The following TNFRSF11A variants were observed in gnomAD, a reference collection of about 807,000 sequenced individuals.
TNFRSF11A encodes TNF receptor superfamily member 11a, also known as tumor necrosis factor receptor superfamily member 11A.
A neutral mutation model predicts 55.7 loss-of-function variants in TNFRSF11A; 32 were observed. That is an observed-to-expected ratio of 0.57 (90% CI 0.43 to 0.77). TNFRSF11A has a LOEUF of 0.77. Ranked by LOEUF, TNFRSF11A falls within the 30% of genes least tolerant of loss-of-function variation. The probability of loss-of-function intolerance (pLI) is 0.00; values close to 1 mark genes in which losing one functional copy is unlikely to be tolerated. For missense variants in TNFRSF11A, 753 were observed against 809.8 expected (o/e 0.93, Z 0.85); for synonymous variants, 311 against 331.0 (o/e 0.94, Z 0.65).
chr18:62,338,442 AAAC>A (rs2046265102), intron 1 of TNFRSF11A, among the ~76,000 whole-genome samples: 1 of 152,256 alleles, frequency 6.6e-6, no homozygotes, highest in Non-Finnish European at 1.5e-5. Context: ...ATGAATGGAT[AAAC>A]AAGATATGGT....
intron 1 of TNFRSF11A, among the ~76,000 whole-genome samples, chr18:62,342,401 CAAA>C (rs371734407): frequency 0.066 from 4,130 of 62,168 alleles, 288 homozygotes; most frequent in South Asian, 0.35. Flanking sequence ...GATTCTGTCT[CAAA>C]AAAAAAAAAA....
At chr18:62,382,255 T>C (rs1169996423) in intron 9 of TNFRSF11A, among the ~76,000 whole-genome samples, 1 of 151,808 alleles carries the variant, frequency 6.6e-6, no homozygotes, top group Non-Finnish European at 1.5e-5. Flanking sequence ...GGATTGCAGG[T>C]GCCCACCACT....
intron 1 of TNFRSF11A, among the ~76,000 whole-genome samples, chr18:62,343,662 A>G (rs2046344363): frequency 6.6e-6 from 1 of 152,234 alleles, no homozygotes; most frequent in African/African-American, 2.4e-5. Flanking sequence ...AGAAGAGTCC[A>G]TCAGCCGTTA....
At chr18:62,333,920 G>A (rs34170507) in intron 1 of TNFRSF11A, among the ~76,000 whole-genome samples, 59,665 of 151,286 alleles carry the variant, frequency 0.39, 12,398 homozygotes, top group African/African-American at 0.53. Context: ...GCTGGAATGC[G>A]GTGGTGCCAT....
At chr18:62,366,602 C>T in intron 7 of TNFRSF11A, 106 bp from the exon 8 acceptor site, 2 of 1,186,692 alleles carry the variant, frequency 1.7e-6, no homozygotes, top group South Asian at 1.2e-5. Context: ...CTATATTTGT[C>T]CTATAACATG....
chr18:62,366,871 C>T (rs1055571541), intron 8 of TNFRSF11A, 111 bp downstream of exon 8: 77 of 1,117,220 alleles, frequency 6.9e-5, no homozygotes, highest in Admixed American at 2.3e-4. Flanking sequence ...TTTTTTGAGA[C>T]GGAGTCTCGC....
intron 1 of TNFRSF11A, among the ~76,000 whole-genome samples, chr18:62,331,520 C>A (rs2046153720): frequency 6.6e-6 from 1 of 152,180 alleles, no homozygotes; most frequent in Non-Finnish European, 1.5e-5. Flanking sequence ...GTGCAGGGAA[C>A]TTGCAGGCTC....
intron 9 of TNFRSF11A, among the ~76,000 whole-genome samples, chr18:62,371,947 T>A (rs1910584097): frequency 6.6e-6 from 1 of 152,096 alleles, no homozygotes; most frequent in Non-Finnish European, 1.5e-5. Context: ...TGGATTTTTA[T>A]ATGAGAGGAT....
In TNFRSF11A at chr18:62,354,353, C is replaced by T. The variant is rs764649267; in HGVS notation, c.284-38C>T. On this transcript the variant is annotated intron_variant, in intron 3 of 9. Coordinates refer to ENST00000586569, the MANE Select transcript of TNFRSF11A (RefSeq NM_003839.4). ...TGGGCGGTGTGTTTGGGCTGCCTGCCCCTCCCTGGCCACTGACCTGTCTCT... is the reference window on the plus strand; with the variant it reads ...TGGGCGGTGTGTTTGGGCTGCCTGCTCCTCCCTGGCCACTGACCTGTCTCT... 7.9e-6 allele frequency: 12 copies of T among 1,528,204 alleles called. No individual in the cohort carries two copies. In the South Asian group the frequency reaches 1.4e-4, roughly 18 times the overall value. 94.7% of individuals were successfully genotyped at this position (1,528,204 alleles called of 1,614,324 possible). A position where few individuals can be genotyped will look rare whatever the true frequency, so the allele number is the denominator to read the frequency against.
At position 62,386,237 on chromosome 18, in the gene TNFRSF11A, G is replaced by A. The variant is rs1273954601; in HGVS notation, c.*1203G>A. 2 of 152,140 alleles carry A rather than the reference G, an allele frequency of 1.3e-5. No individual in the cohort carries two copies. Among genetic ancestry groups the A allele is most frequent in the East Asian group, 1.9e-4 (1 of 5,196 alleles). 9.4% of individuals were successfully genotyped at this position (152,140 alleles called of 1,614,324 possible). ...TGGGGCTCCTGGAAAGAAAGGGCCC[G>A]GGAAGTTCAAGGAAGAATAAAGTTG... On this transcript the variant is annotated 3_prime_UTR_variant, in exon 10 of 10. Coordinates refer to ENST00000586569, the MANE Select transcript of TNFRSF11A (RefSeq NM_003839.4).
intron 1 of TNFRSF11A, among the ~76,000 whole-genome samples, chr18:62,329,002 A>T (rs2046113188): frequency 6.6e-6 from 1 of 152,174 alleles, no homozygotes; most frequent in South Asian, 2.1e-4. Context: ...TGAAAAGGGG[A>T]GTTCCAAAGC....
rs1334125227 is a variant in TNFRSF11A, at chr18:62,369,224, C to G, written c.1307C>G (p.Ala436Gly). The G allele has an allele frequency of 6.2e-7, 1 of 1,613,572 alleles. No individual in the cohort carries two copies. The highest frequency in any genetic ancestry group is 1.3e-5 in the African/African-American group (1 of 74,958). The change falls in exon 9 of 10, where the codon GCC becomes GGC. Residue 436 changes from alanine (A) to glycine (G), a missense_variant. Transcript: ENST00000586569. ...AGTGGCCATTGCCCGCACTGGGCAGCCAGCCCCAGCCCCAACTGGGCAGAT... is the reference window on the plus strand; with the variant it reads ...AGTGGCCATTGCCCGCACTGGGCAGGCAGCCCCAGCCCCAACTGGGCAGAT... ...VDSGHCPHWAASPSPNWADVC... is the reference protein window; with the variant it reads ...VDSGHCPHWAGSPSPNWADVC...
intron 1 of TNFRSF11A, among the ~76,000 whole-genome samples, chr18:62,340,601 G>A (rs1043390328): frequency 6.6e-6 from 1 of 151,784 alleles, no homozygotes; most frequent in Non-Finnish European, 1.5e-5. Context: ...ATCACAAAAT[G>A]TATGAGCCTA....
intron 1 of TNFRSF11A, among the ~76,000 whole-genome samples, chr18:62,326,124 GAAGCAC>G (rs2046071412): frequency 6.6e-6 from 1 of 152,246 alleles, no homozygotes; most frequent in Non-Finnish European, 1.5e-5. Flanking sequence ...GCCGCAGAGG[GAAGCAC>G]ACCCAGCACA....
At position 62,348,193 on chromosome 18, in the gene TNFRSF11A, G is replaced by C. The variant is rs527791848; in HGVS notation, c.101G>C (p.Cys34Ser). Residue 34 changes from cysteine (C) to serine (S), a missense_variant, in exon 2 of 10, where the codon TGT (cysteine) becomes TCT (serine). Coordinates refer to ENST00000586569, the MANE Select transcript of TNFRSF11A (RefSeq NM_003839.4). ...LQVALQIAPP[C>S]TSEKHYEHLG... ...GTGGCTTTGCAGATCGCTCCTCCATGTACCAGTGAGAAGCATTATGAGCAT... is the reference window on the plus strand; with the variant it reads ...GTGGCTTTGCAGATCGCTCCTCCATCTACCAGTGAGAAGCATTATGAGCAT... The C allele has an allele frequency of 6.2e-7, 1 of 1,613,942 alleles. No individual in the cohort carries two copies. The highest frequency in any genetic ancestry group is 2.2e-5 in the East Asian group (1 of 44,870).
At chr18:62,360,748 C>T (rs968530208) in intron 6 of TNFRSF11A, among the ~76,000 whole-genome samples, 2 of 152,136 alleles carry the variant, frequency 1.3e-5, no homozygotes, top group African/African-American at 4.8e-5. Context: ...TGCCCAGCCA[C>T]ATTAAATTAA....
At chr18:62,350,978 G>T (rs900662673) in intron 3 of TNFRSF11A, among the ~76,000 whole-genome samples, 7 of 147,602 alleles carry the variant, frequency 4.7e-5, no homozygotes, top group African/African-American at 1.7e-4. Flanking sequence ...GTATTATTCT[G>T]TCCCTTATAT....
chr18:62,339,721 G>A (rs377158639), intron 1 of TNFRSF11A, among the ~76,000 whole-genome samples: 1 of 152,146 alleles, frequency 6.6e-6, no homozygotes, highest in African/African-American at 2.4e-5. Flanking sequence ...ACTTCCTCCT[G>A]TTAAACTCTG....
intron 7 of TNFRSF11A, among the ~76,000 whole-genome samples, chr18:62,362,114 A>G (rs1452445363): frequency 1.3e-5 from 2 of 152,170 alleles, no homozygotes. Flanking sequence ...GAATACATCA[A>G]TTTTTAATGC....
Sources: gnomAD v4.1 joint callset for allele counts (sites outside exome capture counted in the v4.1 genomes callset) on GRCh38, gnomAD v4.1.1 for gene constraint, MANE v1.5 for transcripts, NCBI Gene and HGNC (gene_info 2026-07-23, HGNC 2026-07-21) for gene names.